Variants in GCNT2 observed in about 807,000 individuals in gnomAD.
The protein encoded by GCNT2 is glucosaminyl (N-acetyl) transferase 2 (I blood group), also known as N-acetyllactosaminide beta-1,6-N-acetylglucosaminyl-transferase.
GCNT2 carries 34 observed loss-of-function variants against 34.2 expected under a neutral mutation model. The ratio of observed to expected loss-of-function variants is 1.00; its 90% CI spans 0.76 to 1.32. GCNT2 has a LOEUF of 1.32. Among genes scored for constraint, GCNT2 ranks in the 40% most tolerant of loss-of-function variants. The pLI, the probability that GCNT2 is intolerant of heterozygous loss-of-function variation, is 0.00. For synonymous variants in GCNT2, 212 were observed against 188.0 expected, an observed-to-expected ratio of 1.13 and a Z score of -1.04; for missense variants, 584 against 489.4, an observed-to-expected ratio of 1.19 and a Z score of -1.82.
chr6:10,577,836 C>G (rs911271922), intron 3 of GCNT2, among the ~76,000 whole-genome samples: 2 of 152,060 alleles, frequency 1.3e-5, no homozygotes, highest in Admixed American at 6.5e-5. Flanking sequence ...CTGCTGCACC[C>G]GGCCTATTGA....
At chr6:10,626,005 T>C (rs1766240187) in intron 4 of GCNT2, among the ~76,000 whole-genome samples, 1 of 152,182 alleles carries the variant, frequency 6.6e-6, no homozygotes. Flanking sequence ...TATCTTAATA[T>C]TTTTGGATCG....
chr6:10,586,719 G>A (rs549425061), intron 3 of GCNT2: 2 of 1,613,884 alleles, frequency 1.2e-6, no homozygotes, highest in South Asian at 2.2e-5. Context: ...TGGCTTTTTT[G>A]TGAAAAATAC....
intron 3 of GCNT2, among the ~76,000 whole-genome samples, chr6:10,620,496 T>C (rs1408515884): frequency 6.6e-6 from 1 of 151,894 alleles, no homozygotes; most frequent in Non-Finnish European, 1.5e-5. Flanking sequence ...AGCCTTGACC[T>C]TCCTAGGCTC....
chr6:10,591,477 G>C (rs1181384284), intron 3 of GCNT2, among the ~76,000 whole-genome samples: 1 of 152,212 alleles, frequency 6.6e-6, no homozygotes, highest in East Asian at 1.9e-4. Flanking sequence ...CTTTATTCCA[G>C]ATAAAATGTT....
chr6:10,538,644 G>A (rs1039432634), intron 3 of GCNT2, among the ~76,000 whole-genome samples: 1 of 150,992 alleles, frequency 6.6e-6, no homozygotes, highest in Non-Finnish European at 1.5e-5. Context: ...ACTTTTTTTT[G>A]AGTTTATAAA....
chr6:10,564,226 A>G (rs1763176730), intron 3 of GCNT2, among the ~76,000 whole-genome samples: 2 of 152,170 alleles, frequency 1.3e-5, no homozygotes, highest in South Asian at 4.1e-4. Flanking sequence ...TTTTGCAAAT[A>G]TGAAGACGGG....
At chr6:10,539,847 G>T (rs1761958044) in intron 3 of GCNT2, among the ~76,000 whole-genome samples, 1 of 152,226 alleles carries the variant, frequency 6.6e-6, no homozygotes, top group African/African-American at 2.4e-5. Context: ...ACACTGGGAG[G>T]CCAAGGCAGG....
chr6:10,538,459 T>TATATATATATATATATATA (rs1198738231), intron 3 of GCNT2, among the ~76,000 whole-genome samples: 2 of 139,990 alleles, frequency 1.4e-5, no homozygotes, highest in Admixed American at 7.2e-5. Context: ...TATATATATG[T>TATATATATATATATATATA]TGAACTCTCA....
At chr6:10,522,004 C>T (rs1207936792) in intron 1 of GCNT2, among the ~76,000 whole-genome samples, 2 of 151,862 alleles carry the variant, frequency 1.3e-5, no homozygotes, top group African/African-American at 2.4e-5. Flanking sequence ...GGTCCTGCCT[C>T]AGCCTCCTGA....
chr6:10,534,139 CTCTTTTTTTT>C (rs1761646020), intron 3 of GCNT2, among the ~76,000 whole-genome samples: 1 of 123,230 alleles, frequency 8.1e-6, no homozygotes, highest in Admixed American at 8.8e-5. Flanking sequence ...TTCCATGCTG[CTCTTTTTTTT>C]TTTTTTTTTT....
intron 3 of GCNT2, among the ~76,000 whole-genome samples, chr6:10,573,521 G>A (rs940321202): frequency 1.3e-5 from 2 of 152,168 alleles, no homozygotes; most frequent in African/African-American, 4.8e-5. Flanking sequence ...CACAGACAGA[G>A]AAGCCATAGC....
intron 3 of GCNT2, among the ~76,000 whole-genome samples, chr6:10,601,668 G>A (rs777087432): frequency 3.3e-5 from 5 of 152,122 alleles, no homozygotes; most frequent in Non-Finnish European, 5.9e-5. Context: ...TTGGCCAGGC[G>A]CAGTGGCTCA....
intron 3 of GCNT2, among the ~76,000 whole-genome samples, chr6:10,532,860 C>A (rs1203398572): frequency 6.7e-6 from 1 of 149,914 alleles, no homozygotes. Flanking sequence ...GAGATCTGAG[C>A]CATTTTCCGT....
chr6:10,603,750 A>G (rs1325559304), intron 3 of GCNT2, among the ~76,000 whole-genome samples: 1 of 150,550 alleles, frequency 6.6e-6, no homozygotes, highest in African/African-American at 2.5e-5. Flanking sequence ...CCTGGTGTCA[A>G]GTGATCCACC....
At chr6:10,589,006 TGTG>T (rs1764494739) in intron 3 of GCNT2, among the ~76,000 whole-genome samples, 1 of 142,454 alleles carries the variant, frequency 7.0e-6, no homozygotes, top group Non-Finnish European at 1.5e-5. Flanking sequence ...TGGGTGTGTG[TGTG>T]GTGTGTATAT....
intron 2 of GCNT2, among the ~76,000 whole-genome samples, chr6:10,527,880 A>T (rs900398509): frequency 6.6e-6 from 1 of 152,154 alleles, no homozygotes; most frequent in East Asian, 1.9e-4. Context: ...CAGATTAAAA[A>T]AAAAGCCTCC....
chr6:10,574,330 C>T (rs1763693925), intron 3 of GCNT2, among the ~76,000 whole-genome samples: 1 of 152,206 alleles, frequency 6.6e-6, no homozygotes, highest in Admixed American at 6.5e-5. Context: ...CTACCAACCT[C>T]TTTAACTCTC....
In GCNT2 at chr6:10,529,564, G is replaced by C. The variant is rs772673036; in HGVS notation, c.653G>C (p.Gly218Ala). The C allele has an allele frequency of 5.7e-5, 92 of 1,613,982 alleles. No homozygotes were observed. Among genetic ancestry groups the C allele is most frequent in the Middle Eastern group, 4.9e-4 (3 of 6,084 alleles). Residue 218 changes from glycine to alanine, a missense_variant, in exon 3 of 5, where the codon GGA (glycine) becomes GCA (alanine). By Grantham distance (60) the Gly-to-Ala change is moderately conservative. Transcript: ENST00000495262. ...KGFKGKNITP[G>A]VLPPDHAVGR... Reference sequence around the variant, plus strand: ...TTTAAAGGGAAAAATATCACCCCCGGAGTGCTGCCTCCTGACCACGCTGTT... The same window carrying C: ...TTTAAAGGGAAAAATATCACCCCCGCAGTGCTGCCTCCTGACCACGCTGTT...
intron 3 of GCNT2, among the ~76,000 whole-genome samples, chr6:10,571,881 T>C (rs761769465): frequency 6.7e-6 from 1 of 150,034 alleles, no homozygotes; most frequent in Non-Finnish European, 1.5e-5. Context: ...GACTTAGTGA[T>C]GATTTGCACG....
Sources: allele counts gnomAD v4.1 joint callset (sites outside exome capture counted in the v4.1 genomes callset), GRCh38; gene constraint gnomAD v4.1.1; transcripts MANE v1.5; gene names NCBI Gene and HGNC (gene_info 2026-07-23, HGNC 2026-07-21).